The following MGAT4A variants were observed in gnomAD, a reference collection of about 807,000 sequenced individuals.
MGAT4A encodes N-acetylglucosaminyltransferase IVa.
A neutral mutation model predicts 74.1 loss-of-function variants in MGAT4A; 33 were observed. The observed-to-expected ratio is 0.45, with a 90% confidence interval of 0.34 to 0.60. MGAT4A has a LOEUF of 0.60. Among genes scored for constraint, MGAT4A ranks in the 20% least tolerant of loss-of-function variants. The pLI, the probability that MGAT4A is intolerant of heterozygous loss-of-function variation, is 0.02. For missense variants in MGAT4A, 479 were observed against 628.3 expected (o/e 0.76, Z 2.54); for synonymous variants, 198 against 210.4 (o/e 0.94, Z 0.51).
intron 3 of MGAT4A, among the ~76,000 whole-genome samples, chr2:98,676,162 T>A (rs952348258): frequency 1.3e-5 from 2 of 152,280 alleles, no homozygotes; most frequent in African/African-American, 4.8e-5. Context: ...TAGGAATTTG[T>A]TACCTCAACT....
At chr2:98,712,465 C>T (rs1702531747) in intron 2 of MGAT4A, among the ~76,000 whole-genome samples, 1 of 152,158 alleles carries the variant, frequency 6.6e-6, no homozygotes, top group African/African-American at 2.4e-5. Context: ...CCAATATGTG[C>T]ACCAAAATAC....
At chr2:98,630,671 C>T (rs140140112) in intron 14 of MGAT4A, among the ~76,000 whole-genome samples, 164 of 152,126 alleles carry the variant, frequency 1.1e-3, no homozygotes, top group Middle Eastern at 3.4e-3. Context: ...GATTATAGGG[C>T]GTATCATTTG....
At chr2:98,630,688 ACGATGTGTT>A (rs1368794298) in intron 14 of MGAT4A, among the ~76,000 whole-genome samples, 1 of 152,164 alleles carries the variant, frequency 6.6e-6, no homozygotes, top group African/African-American at 2.4e-5. Context: ...TTTGTGTGTG[ACGATGTGTT>A]GTTCTTAGAG....
At chr2:98,665,881 T>A (rs185286428) in intron 4 of MGAT4A, among the ~76,000 whole-genome samples, 2 of 152,144 alleles carry the variant, frequency 1.3e-5, no homozygotes, top group Non-Finnish European at 2.9e-5. Context: ...GATTTTGACA[T>A]AGTCAAGAAA....
intron 14 of MGAT4A, among the ~76,000 whole-genome samples, chr2:98,634,747 T>C (rs1281016513): frequency 1.4e-5 from 2 of 146,884 alleles, no homozygotes; most frequent in Non-Finnish European, 3.0e-5. Flanking sequence ...ACTAGATGGA[T>C]AGGGACAGCA....
chr2:98,623,379 T>C lies in MGAT4A; in HGVS notation c.*2187A>G. On this transcript the variant is annotated 3_prime_UTR_variant, in exon 16 of 16. Transcript: ENST00000393487. ...ATTTTCAGAGCATGGTCTTTCTTCA[T>C]GAAACCAGAGTTGGCAACTGAGGAA... The C allele has an allele frequency of 1.0e-6, 1 of 985,464 alleles. No homozygotes were observed. Among genetic ancestry groups the C allele is most frequent in the Non-Finnish European group, 1.2e-6 (1 of 829,950 alleles). The allele number at this position is 985,464 out of a possible 1,614,324, so 61.0% of individuals were successfully genotyped here.
rs1407083753 is a variant in MGAT4A at position 98,619,418 on chromosome 2, T to C, written c.*6148A>G. 5 of 152,180 alleles carry C rather than the reference T, an allele frequency of 3.3e-5. No homozygotes were observed. Among genetic ancestry groups the C allele is most frequent in the African/African-American group, 1.2e-4 (5 of 41,458 alleles). 9.4% of individuals were successfully genotyped at this position (152,180 alleles called of 1,614,324 possible). ...TGGTACAACCTGGCAAGGAGATTCC[T>C]CAGGCAGCTTCTCTAAGGGATGCTT... On this transcript the variant is annotated 3_prime_UTR_variant, in exon 16 of 16. Coordinates refer to ENST00000393487, the MANE Select transcript of MGAT4A (RefSeq NM_012214.3).
chr2:98,676,931 G>T (rs1701983247), intron 3 of MGAT4A, among the ~76,000 whole-genome samples: 1 of 152,176 alleles, frequency 6.6e-6, no homozygotes, highest in African/African-American at 2.4e-5. Flanking sequence ...CAACATCAGG[G>T]TGACATAATG....
intron 2 of MGAT4A, among the ~76,000 whole-genome samples, chr2:98,718,879 A>G (rs1702625538): frequency 6.6e-6 from 1 of 152,058 alleles, no homozygotes; most frequent in Non-Finnish European, 1.5e-5. Flanking sequence ...AAGAACCTCA[A>G]CCTCTTGGCC....
chr2:98,721,315 T>G (rs1308180781), intron 2 of MGAT4A, among the ~76,000 whole-genome samples: 2 of 152,216 alleles, frequency 1.3e-5, no homozygotes, highest in African/African-American at 2.4e-5. Flanking sequence ...GAAAGGAAGT[T>G]ACCCCAGATG....
At chr2:98,644,675 C>T (rs908620025) in intron 9 of MGAT4A, among the ~76,000 whole-genome samples, 4 of 151,714 alleles carry the variant, frequency 2.6e-5, no homozygotes, top group African/African-American at 9.7e-5. Context: ...CTCTCGTCCC[C>T]AAGGCTGGAA....
intron 14 of MGAT4A, among the ~76,000 whole-genome samples, chr2:98,632,416 G>T (rs1292909566): frequency 6.6e-6 from 1 of 152,178 alleles, no homozygotes; most frequent in Admixed American, 6.5e-5. Flanking sequence ...TTGTTTGCAC[G>T]CCAAGAGGGC....
intron 7 of MGAT4A, chr2:98,656,083 G>A: frequency 5.4e-6 from 2 of 373,142 alleles, no homozygotes; most frequent in Non-Finnish European, 9.6e-6. Flanking sequence ...CCCTGTCAGT[G>A]AATTCCTGGT....
At chr2:98,644,324 A>G (rs1360401057) in intron 9 of MGAT4A, among the ~76,000 whole-genome samples, 1 of 152,210 alleles carries the variant, frequency 6.6e-6, no homozygotes, top group Non-Finnish European at 1.5e-5. Context: ...AAAGCATTCA[A>G]AAAGCAAGTC....
At chr2:98,671,471 C>G (rs1701909700) in intron 4 of MGAT4A, among the ~76,000 whole-genome samples, 1 of 152,200 alleles carries the variant, frequency 6.6e-6, no homozygotes, top group South Asian at 2.1e-4. Flanking sequence ...CCTACATGGT[C>G]TGGCCTCAAC....
At chr2:98,656,591 C>A in intron 6 of MGAT4A, 126 bp from the exon 7 acceptor site, 2 of 593,032 alleles carry the variant, frequency 3.4e-6, no homozygotes, top group South Asian at 4.7e-5. Context: ...ATGTTATGGC[C>A]GCAAGGTGTT....
chr2:98,719,814 AT>A (rs542005479), intron 2 of MGAT4A, among the ~76,000 whole-genome samples: 1 of 151,962 alleles, frequency 6.6e-6, no homozygotes, highest in African/African-American at 2.4e-5. Context: ...CGCCCAGCTA[AT>A]TTTTTATTTT....
At chr2:98,636,368 G>GAATGCA in intron 13 of MGAT4A, 149 bp downstream of exon 13, 1 of 601,132 alleles carries the variant, frequency 1.7e-6, no homozygotes, top group African/African-American at 1.9e-5. Context: ...ATATAAAAGT[G>GAATGCA]CTTCATATTT....
chr2:98,677,800 A>AT lies in MGAT4A; in HGVS notation c.262+503_262+504insA, dbSNP rs1559166593. The stretch of plus-strand genomic sequence containing the variant: ...TTAAAATCAGATTTAGCAGGTAATA[A>AT]ATTTTTTTTTTTTTTTTTTTTTTGT... On this transcript the variant is annotated intron_variant, in intron 3 of 15. Coordinates refer to ENST00000393487, the MANE Select transcript of MGAT4A (RefSeq NM_012214.3). 5.0e-3 allele frequency among the ~76,000 whole-genome samples: 604 copies of AT among 120,634 alleles called. 4 individuals carry two copies. The highest frequency in any genetic ancestry group is 0.013 in the African/African-American group (459 of 34,886). The allele number at this position is 120,634 out of a possible 152,430, so 79.1% of individuals were successfully genotyped here.
Sources: gnomAD v4.1 joint callset for allele counts (sites outside exome capture counted in the v4.1 genomes callset) on GRCh38, gnomAD v4.1.1 for gene constraint, MANE v1.5 for transcripts, NCBI Gene and HGNC (gene_info 2026-07-23, HGNC 2026-07-21) for gene names.